SLCO1A2: variants seen among roughly 807,000 people sequenced by gnomAD.
SLCO1A2 encodes OATP-1.
Under a neutral mutation model 69.0 loss-of-function variants are expected in SLCO1A2, and 67 were observed. That is an observed-to-expected ratio of 0.97 (90% CI 0.80 to 1.19). The LOEUF is 1.19. Among genes scored for constraint, SLCO1A2 ranks in the 50% most tolerant of loss-of-function variants. The pLI is 0.00. For missense variants in SLCO1A2, 787 were observed against 793.7 expected (o/e 0.99, Z 0.10); for synonymous variants, 260 against 265.9 (o/e 0.98, Z 0.22).
At chr12:21,387,425 C>T (rs899289187) in intron 1 of SLCO1A2, among the ~76,000 whole-genome samples, 1 of 152,130 alleles carries the variant, frequency 6.6e-6, no homozygotes, top group Non-Finnish European at 1.5e-5. Flanking sequence ...GCTGTGTACA[C>T]CCTTGGAACT....
chr12:21,347,054 G>A (rs923254466), intron 2 of SLCO1A2, among the ~76,000 whole-genome samples: 3 of 151,102 alleles, frequency 2.0e-5, no homozygotes, highest in African/African-American at 7.3e-5. Flanking sequence ...TTAACATATA[G>A]AGGAGTCATT....
chr12:21,297,265 T>G (rs1565480104), intron 9 of SLCO1A2, 139 bp downstream of exon 9: 1 of 445,138 alleles, frequency 2.2e-6, no homozygotes, highest in African/African-American at 2.0e-5. Flanking sequence ...CTTTCTTTCT[T>G]TCTTGAGATT....
chr12:21,334,732 T>A, intron 1 of SLCO1A2, 23 bp from the exon 2 acceptor site: 6 of 1,071,364 alleles, frequency 5.6e-6, no homozygotes, highest in Non-Finnish European at 8.2e-6. Context: ...CAAAAAAATA[T>A]GTTAAATTAA....
At chr12:21,319,010 G>C (rs918813911) in intron 2 of SLCO1A2, 87 bp from the exon 3 acceptor site, 37 of 987,220 alleles carry the variant, frequency 3.7e-5, no homozygotes, top group Non-Finnish European at 5.1e-5. Context: ...TCCACCATAA[G>C]ACTGATTGTC....
At chr12:21,404,305 G>T (rs1470340032) in intron 1 of SLCO1A2, among the ~76,000 whole-genome samples, 34 of 152,104 alleles carry the variant, frequency 2.2e-4, no homozygotes. Flanking sequence ...GTAAAAATGT[G>T]CCATGATGAT....
intron 1 of SLCO1A2, among the ~76,000 whole-genome samples, chr12:21,375,768 G>A (rs1222116668): frequency 6.6e-6 from 1 of 152,146 alleles, no homozygotes; most frequent in South Asian, 2.1e-4. Flanking sequence ...CAATTTAAGA[G>A]TTATACTTTG....
chr12:21,279,007 CATAA>C (rs755229597), intron 12 of SLCO1A2, among the ~76,000 whole-genome samples: 6 of 151,712 alleles, frequency 4.0e-5, no homozygotes, highest in Non-Finnish European at 5.9e-5. Context: ...AAGAGGTTGA[CATAA>C]ATAAAAAGAA....
intron 6 of SLCO1A2, 119 bp downstream of exon 6, chr12:21,304,308 G>T (rs1949081150): frequency 3.9e-6 from 3 of 763,362 alleles, no homozygotes; most frequent in Admixed American, 2.8e-5. Flanking sequence ...AAGGCCAACT[G>T]TGCCAAGATA....
At chr12:21,414,246 G>A (rs1941956553) in intron 1 of SLCO1A2, among the ~76,000 whole-genome samples, 1 of 150,400 alleles carries the variant, frequency 6.6e-6, no homozygotes, top group Non-Finnish European at 1.5e-5. Flanking sequence ...CAAAAGTGCT[G>A]GAATTAAAGG....
intron 12 of SLCO1A2, among the ~76,000 whole-genome samples, chr12:21,291,576 G>A (rs1443726804): frequency 1.3e-5 from 2 of 152,090 alleles, no homozygotes; most frequent in African/African-American, 4.8e-5. Flanking sequence ...CACAAAGACT[G>A]GTGTAGTTGA....
intron 2 of SLCO1A2, among the ~76,000 whole-genome samples, chr12:21,340,446 A>T (rs1278012121): frequency 1.3e-5 from 2 of 152,044 alleles, no homozygotes; most frequent in Non-Finnish European, 2.9e-5. Context: ...GAATAGTAAA[A>T]TGTTTCCACG....
rs1312969547 is a variant in SLCO1A2, at chr12:21,378,366, T to C, written c.-189-3841A>G. 6 of 1,614,174 alleles carry C rather than the reference T, an allele frequency of 3.7e-6. 1 individual carries two copies. Among genetic ancestry groups the C allele is most frequent in the Admixed American group, 3.3e-5 (2 of 60,022 alleles). On this transcript the variant is annotated intron_variant, in intron 1 of 15. Transcript: ENST00000307378. Reference sequence around the variant, plus strand: ...CTACCAACGTGGGATCCAATACATATGGCAAGAGGAATGCAGTAGAGGTTT... The same window carrying C: ...CTACCAACGTGGGATCCAATACATACGGCAAGAGGAATGCAGTAGAGGTTT...
intron 4 of SLCO1A2, among the ~76,000 whole-genome samples, chr12:21,311,931 G>C (rs1950220393): frequency 6.6e-6 from 1 of 151,194 alleles, no homozygotes; most frequent in African/African-American, 2.4e-5. Flanking sequence ...ATCTCAAAAA[G>C]AAGAAAGAAG....
chr12:21,325,675 C>A (rs1952167513), intron 2 of SLCO1A2, among the ~76,000 whole-genome samples: 1 of 152,182 alleles, frequency 6.6e-6, no homozygotes, highest in Admixed American at 6.5e-5. Flanking sequence ...TTGGTCCACT[C>A]AACCCTTGAT....
intron 2 of SLCO1A2, among the ~76,000 whole-genome samples, chr12:21,353,250 G>A (rs1938099886): frequency 6.6e-6 from 1 of 152,040 alleles, no homozygotes; most frequent in Non-Finnish European, 1.5e-5. Flanking sequence ...AGATCAAATT[G>A]CAATACAATT....
intron 2 of SLCO1A2, among the ~76,000 whole-genome samples, chr12:21,370,955 G>T (rs911873578): frequency 2.6e-5 from 4 of 152,216 alleles, no homozygotes; most frequent in African/African-American, 9.6e-5. Flanking sequence ...GAAGAAAACA[G>T]CTTTATTGAA....
intron 2 of SLCO1A2, chr12:21,319,325 C>A: frequency 7.3e-7 from 1 of 1,364,660 alleles, no homozygotes; most frequent in African/African-American, 1.5e-5. Context: ...ATTTCGGTAG[C>A]AAATATACTT....
chr12:21,307,716 T>C (rs892712234), intron 4 of SLCO1A2, among the ~76,000 whole-genome samples: 4 of 152,240 alleles, frequency 2.6e-5, no homozygotes, highest in African/African-American at 9.6e-5. Context: ...GTGAAGTCTC[T>C]GTTTGTTAGA....
intron 2 of SLCO1A2, chr12:21,319,405 G>T: frequency 7.3e-7 from 1 of 1,367,888 alleles, no homozygotes; most frequent in Non-Finnish European, 9.8e-7. Flanking sequence ...GTTCTTGCTT[G>T]CAATTCTTGG....
Sources: allele counts gnomAD v4.1 joint callset (sites outside exome capture counted in the v4.1 genomes callset), GRCh38; gene constraint gnomAD v4.1.1; transcripts MANE v1.5; gene names NCBI Gene and HGNC (gene_info 2026-07-23, HGNC 2026-07-21).